BRINP3: variants seen among roughly 807,000 people sequenced by gnomAD.
The protein encoded by BRINP3 is BMP/retinoic acid inducible neural specific 3.
BRINP3 carries 19 observed loss-of-function variants against 71.0 expected under a neutral mutation model. The observed-to-expected ratio is 0.27, with a 90% CI of 0.19 to 0.39. The LOEUF (loss-of-function observed/expected upper bound fraction) is 0.39, where lower values mean the gene tolerates loss of function less well. Ranked by LOEUF, BRINP3 falls within the 10% of genes least tolerant of loss-of-function variation. The pLI is 1.00. For synonymous variants in BRINP3, 380 were observed against 337.7 expected, an observed-to-expected ratio of 1.13 and a Z score of -1.37; for missense variants, 959 against 940.8, an observed-to-expected ratio of 1.02 and a Z score of -0.25.
At chr1:190,173,576 T>C (rs1413933085) in intron 6 of BRINP3, among the ~76,000 whole-genome samples, 2 of 152,176 alleles carry the variant, frequency 1.3e-5, no homozygotes. Flanking sequence ...AGAGCAAGAA[T>C]GGAAGTCTTT....
chr1:190,159,725 C>T (rs80166757), intron 7 of BRINP3, among the ~76,000 whole-genome samples: 3,022 of 151,684 alleles, frequency 0.02, 24 homozygotes, highest in Admixed American at 0.029. Context: ...ATTGGTAATC[C>T]ATTCCTTTTT....
Position 190,452,831 on chromosome 1 carries a change from T to C in BRINP3, c.236+1824A>G, listed in dbSNP as rs184150744. ...AAGACCGTGCCACTGCACTCCAGCC[T>C]TGGTGGCAGAACGAGACTCCGTCCC... On this transcript the variant is annotated intron_variant, in intron 2 of 7. Coordinates refer to ENST00000367462, the MANE Select transcript of BRINP3 (RefSeq NM_199051.3). Among the ~76,000 whole-genome samples the C allele has an allele frequency of 1.9e-4, 29 of 152,272 alleles. 1 individual carries two copies. In the East Asian group the frequency reaches 5.4e-3, roughly 28 times the overall value.
chr1:190,410,959 C>T (rs934200732), intron 2 of BRINP3, among the ~76,000 whole-genome samples: 4 of 152,004 alleles, frequency 2.6e-5, no homozygotes, highest in African/African-American at 9.7e-5. Context: ...AACTTGAAAG[C>T]TCATTTTAAT....
At chr1:190,354,349 C>A (rs1668592501) in intron 2 of BRINP3, among the ~76,000 whole-genome samples, 3 of 151,862 alleles carry the variant, frequency 2.0e-5, no homozygotes, top group African/African-American at 4.8e-5. Context: ...GATGCACGGA[C>A]AGCCCCACTA....
chr1:190,297,113 C>A (rs563999453), intron 2 of BRINP3, among the ~76,000 whole-genome samples: 11 of 151,790 alleles, frequency 7.2e-5, no homozygotes, highest in East Asian at 3.9e-4. Context: ...ATTAAAAAAA[C>A]CCCAGCAAAC....
intron 2 of BRINP3, among the ~76,000 whole-genome samples, chr1:190,297,419 TC>T (rs1664334760): frequency 2.0e-5 from 3 of 151,838 alleles, no homozygotes; most frequent in African/African-American, 7.3e-5. Flanking sequence ...ATCATAAAAC[TC>T]CTAAAAGAAA....
chr1:190,349,992 A>G (rs930021588), intron 2 of BRINP3, among the ~76,000 whole-genome samples: 3 of 152,100 alleles, frequency 2.0e-5, no homozygotes, highest in Non-Finnish European at 4.4e-5. Context: ...GTGCAGTCAA[A>G]TAGTCTTTTA....
At chr1:190,180,584 C>T (rs1314083357) in intron 6 of BRINP3, among the ~76,000 whole-genome samples, 1 of 151,932 alleles carries the variant, frequency 6.6e-6, no homozygotes, top group Non-Finnish European at 1.5e-5. Context: ...TGTACTCTCA[C>T]AAGTAATAAA....
intron 2 of BRINP3, among the ~76,000 whole-genome samples, chr1:190,354,669 G>A (rs1374885298): frequency 6.6e-6 from 1 of 151,566 alleles, no homozygotes; most frequent in Non-Finnish European, 1.5e-5. Flanking sequence ...GTACAGTCGT[G>A]ATACCTCACT....
intron 6 of BRINP3, among the ~76,000 whole-genome samples, chr1:190,208,907 A>G (rs570115635): frequency 6.6e-6 from 1 of 152,270 alleles, no homozygotes; most frequent in Admixed American, 6.5e-5. Flanking sequence ...AAAGTAAAAA[A>G]AAATACAATC....
rs1259640009 is a variant in BRINP3, at chr1:190,277,099, A to ATATATACATATATATATATATATATATG, written c.427+4460_427+4461insCATATATATATATATATATATGTATATA. Among the ~76,000 whole-genome samples the ATATATACATATATATATATATATATATG allele has an allele frequency of 1.5e-4, 17 of 111,920 alleles. 2 individuals carry two copies. In the East Asian group the frequency reaches 4.3e-3, roughly 29 times the overall value. 73.4% of individuals were successfully genotyped at this position (111,920 alleles called of 152,430 possible). A position where few individuals can be genotyped will look rare whatever the true frequency, so the allele number is the denominator to read the frequency against. On this transcript the variant is annotated intron_variant, in intron 3 of 7. Coordinates refer to ENST00000367462, the MANE Select transcript of BRINP3 (RefSeq NM_199051.3). ...ATAAATTTTGGTTTTATATATATAT[A>ATATATACATATATATATATATATATATG]TATATATATATATATATATTTATAT...
intron 6 of BRINP3, among the ~76,000 whole-genome samples, chr1:190,195,316 C>T (rs1654383554): frequency 6.6e-6 from 1 of 151,712 alleles, no homozygotes; most frequent in Non-Finnish European, 1.5e-5. Context: ...TAAAATAAGA[C>T]CGATTTTTAT....
intron 7 of BRINP3, among the ~76,000 whole-genome samples, chr1:190,120,420 AACT>A (rs1653539773): frequency 6.6e-6 from 1 of 152,198 alleles, no homozygotes; most frequent in Non-Finnish European, 1.5e-5. Context: ...ATTGTCATAT[AACT>A]ACTGTTTTCT....
intron 4 of BRINP3, among the ~76,000 whole-genome samples, chr1:190,252,452 C>T (rs1013917531): frequency 3.3e-5 from 5 of 152,046 alleles, no homozygotes; most frequent in African/African-American, 1.2e-4. Flanking sequence ...TACACTGAAG[C>T]AGAAGAAATA....
intron 6 of BRINP3, among the ~76,000 whole-genome samples, chr1:190,166,492 C>T (rs1651550846): frequency 6.6e-6 from 1 of 152,198 alleles, no homozygotes; most frequent in African/African-American, 2.4e-5. Flanking sequence ...CAGGTCCTCA[C>T]TCTCCCAGTG....
intron 2 of BRINP3, among the ~76,000 whole-genome samples, chr1:190,445,570 T>TACTC (rs1042591573): frequency 7.3e-6 from 1 of 136,214 alleles, no homozygotes; most frequent in African/African-American, 2.7e-5. Context: ...GCATAACACA[T>TACTC]ACTCACACAC....
intron 6 of BRINP3, among the ~76,000 whole-genome samples, chr1:190,183,793 A>G (rs1417611703): frequency 6.6e-6 from 1 of 152,100 alleles, no homozygotes; most frequent in Non-Finnish European, 1.5e-5. Context: ...CTATCATACC[A>G]CCACAATAGG....
Position 190,312,014 on chromosome 1 carries a change from A to T in BRINP3, c.237-30264T>A, listed in dbSNP as rs1168058854. 6.5e-5 allele frequency among the ~76,000 whole-genome samples: 9 copies of T among 137,738 alleles called. No individual in the cohort carries two copies. The East Asian group carries it at 1.9e-3, about 30-fold the overall frequency. 90.4% of individuals were successfully genotyped at this position (137,738 alleles called of 152,430 possible). A position where few individuals can be genotyped will look rare whatever the true frequency, so the allele number is the denominator to read the frequency against. On this transcript the variant is annotated intron_variant, in intron 2 of 7. Coordinates refer to ENST00000367462, the MANE Select transcript of BRINP3 (RefSeq NM_199051.3). ...CAACACTGTCTAGAAAATATAAAAAATACATGATATTTGAAAAGTCAAATA... is the reference window on the plus strand; with the variant it reads ...CAACACTGTCTAGAAAATATAAAAATTACATGATATTTGAAAAGTCAAATA...
intron 7 of BRINP3, among the ~76,000 whole-genome samples, chr1:190,130,893 T>C (rs1400330839): frequency 6.6e-6 from 1 of 151,890 alleles, no homozygotes; most frequent in African/African-American, 2.4e-5. Context: ...TCATCAAAAA[T>C]GAAAAGCCAC....
Sources: gnomAD v4.1 joint callset for allele counts (sites outside exome capture counted in the v4.1 genomes callset) on GRCh38, gnomAD v4.1.1 for gene constraint, MANE v1.5 for transcripts, NCBI Gene and HGNC (gene_info 2026-07-23, HGNC 2026-07-21) for gene names.